Variants in GABRR3 observed in about 807,000 individuals in gnomAD.
The protein encoded by GABRR3 is gamma-aminobutyric acid receptor subunit rho-3.
A neutral mutation model predicts 43.2 loss-of-function variants in GABRR3; 29 were observed. The observed-to-expected ratio is 0.67, with a 90% CI of 0.50 to 0.92. The LOEUF is 0.92. Ranked by LOEUF, GABRR3 falls within the 40% of genes least tolerant of loss-of-function variation. The probability of loss-of-function intolerance (pLI) is 0.00; values close to 1 mark genes in which losing one functional copy is unlikely to be tolerated. For missense variants in GABRR3, 576 were observed against 572.3 expected (o/e 1.01, Z -0.07); for synonymous variants, 206 against 195.9 (o/e 1.05, Z -0.43).
At chr3:98,020,457 CAA>C (rs745684367) in intron 3 of GABRR3, among the ~76,000 whole-genome samples, 10 of 100,576 alleles carry the variant, frequency 9.9e-5, no homozygotes, top group African/African-American at 1.8e-4. Flanking sequence ...GTCCAATCTT[CAA>C]AAAAAAAAAA....
At chr3:98,003,837 T>C (rs1351962048) in intron 7 of GABRR3, among the ~76,000 whole-genome samples, 2 of 152,132 alleles carry the variant, frequency 1.3e-5, no homozygotes, top group South Asian at 2.1e-4. Flanking sequence ...TCTCAAGCCA[T>C]TTTTCATTTC....
chr3:98,008,798 CAAAAAA>C (rs57502092), intron 6 of GABRR3, 152 bp downstream of exon 6: 28 of 113,888 alleles, frequency 2.5e-4, no homozygotes, highest in South Asian at 5.7e-4. Context: ...AAACAGAAAC[CAAAAAA>C]AAAAAAAAAA....
intron 7 of GABRR3, among the ~76,000 whole-genome samples, chr3:98,003,915 T>C (rs967748863): frequency 3.3e-5 from 5 of 152,202 alleles, no homozygotes; most frequent in Non-Finnish European, 4.4e-5. Flanking sequence ...AATCACTTCA[T>C]ACCCTTTTGT....
At chr3:98,025,849 T>C (rs777733026) in intron 2 of GABRR3, among the ~76,000 whole-genome samples, 170 bp from the exon 3 acceptor site, 9 of 152,256 alleles carry the variant, frequency 5.9e-5, no homozygotes, top group Non-Finnish European at 1.0e-4. Flanking sequence ...TTCTTTATTA[T>C]ATAAGTGTGG....
At chr3:98,016,455 A>G (rs1471939474) in intron 4 of GABRR3, among the ~76,000 whole-genome samples, 2 of 151,776 alleles carry the variant, frequency 1.3e-5, no homozygotes, top group Non-Finnish European at 2.9e-5. Flanking sequence ...TGAGGCCCTC[A>G]CCAGGAGCAG....
intron 4 of GABRR3, among the ~76,000 whole-genome samples, chr3:98,017,329 G>A (rs1046362918): frequency 2.0e-5 from 3 of 152,100 alleles, no homozygotes; most frequent in Admixed American, 1.3e-4. Context: ...ATTTCATATC[G>A]CACATATAGT....
downstream of GABRR3, among the ~76,000 whole-genome samples, chr3:97,985,791 T>A (rs1706376973): frequency 6.6e-6 from 1 of 152,072 alleles, no homozygotes; most frequent in South Asian, 2.1e-4. Flanking sequence ...GAAGAATAAG[T>A]GGAAGTTTAG....
At chr3:97,986,042 G>A (rs1258124218), downstream of GABRR3, among the ~76,000 whole-genome samples, 2 of 151,842 alleles carry the variant, frequency 1.3e-5, no homozygotes, top group South Asian at 2.1e-4. Context: ...ATTTTTGTAC[G>A]TTTAGTAGAG....
chr3:98,025,343 T>TACTATTTAC (rs1403426016), intron 3 of GABRR3, among the ~76,000 whole-genome samples: 1 of 152,250 alleles, frequency 6.6e-6, no homozygotes, highest in Non-Finnish European at 1.5e-5. Context: ...ATGGAACACA[T>TACTATTTAC]ACTATTTACT....
chr3:98,033,799 A>G (rs996830357), intron 2 of GABRR3, among the ~76,000 whole-genome samples: 2 of 152,180 alleles, frequency 1.3e-5, no homozygotes, highest in Non-Finnish European at 2.9e-5. Flanking sequence ...ACTTCATATC[A>G]TCTCAGGTCT....
At chr3:97,987,508 C>A (rs1259715216) in intron 9 of GABRR3, among the ~76,000 whole-genome samples, 1 of 152,118 alleles carries the variant, frequency 6.6e-6, no homozygotes, top group African/African-American at 2.4e-5. Flanking sequence ...TTGGAGAAAA[C>A]AAAATCACTT....
chr3:98,007,964 C>A, intron 6 of GABRR3, 60 bp from the exon 7 acceptor site: 1 of 1,385,638 alleles, frequency 7.2e-7, no homozygotes, highest in Non-Finnish European at 9.7e-7. Flanking sequence ...TCAATGAGTT[C>A]TATAACCATG....
chr3:97,986,681 C>A (rs1344606074), downstream of GABRR3: 2 of 1,502,448 alleles, frequency 1.3e-6, no homozygotes, highest in Admixed American at 4.3e-5. Context: ...TGAAATTCCC[C>A]TTCATACATA....
chr3:98,002,668 T>C (rs1432089953), intron 7 of GABRR3, among the ~76,000 whole-genome samples: 2 of 152,278 alleles, frequency 1.3e-5, no homozygotes, highest in East Asian at 1.9e-4. Flanking sequence ...TTTACTAAAA[T>C]AAGGCAATAC....
chr3:97,998,870 T>C (rs1706595381), intron 8 of GABRR3: 1 of 152,156 alleles, frequency 6.6e-6, no homozygotes, highest in Non-Finnish European at 1.5e-5. Context: ...TGATTATTCC[T>C]AGTTTTAAGT....
intron 7 of GABRR3, among the ~76,000 whole-genome samples, chr3:98,002,282 T>C (rs1157208243): frequency 6.6e-5 from 10 of 152,158 alleles, no homozygotes; most frequent in Non-Finnish European, 1.3e-4. Context: ...TTTTACAATT[T>C]TAAAGTCTCA....
chr3:98,017,097 AAATT>A (rs1706880949), intron 4 of GABRR3, among the ~76,000 whole-genome samples: 1 of 152,206 alleles, frequency 6.6e-6, no homozygotes, highest in African/African-American at 2.4e-5. Context: ...TTTCATTGCA[AAATT>A]AAATAATGGC....
chr3:97,993,748 T>C (rs1706502010), intron 8 of GABRR3, among the ~76,000 whole-genome samples: 2 of 151,834 alleles, frequency 1.3e-5, no homozygotes, highest in Non-Finnish European at 1.5e-5. Context: ...TCTCCTCCCT[T>C]CCCTCCCCCT....
At chr3:98,023,077 A>C (rs1195799361) in intron 3 of GABRR3, among the ~76,000 whole-genome samples, 1 of 152,094 alleles carries the variant, frequency 6.6e-6, no homozygotes, top group Non-Finnish European at 1.5e-5. Context: ...ATCACTGCAG[A>C]GTTTTATTTA....
Sources: allele counts gnomAD v4.1 joint callset (sites outside exome capture counted in the v4.1 genomes callset), GRCh38; gene constraint gnomAD v4.1.1; transcripts MANE v1.5; gene names NCBI Gene and HGNC (gene_info 2026-07-23, HGNC 2026-07-21).